The following VPS53 variants were observed in gnomAD, a reference collection of about 807,000 sequenced individuals.
The protein encoded by VPS53 is vacuolar protein sorting-associated protein 53 homolog.
Under a neutral mutation model 107.0 loss-of-function variants are expected in VPS53, and 70 were observed. That is an observed-to-expected ratio of 0.65 (90% CI 0.54 to 0.80). VPS53 has a LOEUF of 0.80. Among genes scored for constraint, VPS53 ranks in the 30% least tolerant of loss-of-function variants. The pLI, the probability that VPS53 is intolerant of heterozygous loss-of-function variation, is 0.00. For missense variants in VPS53, 917 were observed against 1,049.4 expected (o/e 0.87, Z 1.74); for synonymous variants, 409 against 393.3 (o/e 1.04, Z -0.47).
intron 4 of VPS53, among the ~76,000 whole-genome samples, chr17:691,906 A>C (rs765324714): frequency 6.6e-6 from 1 of 152,216 alleles, no homozygotes; most frequent in Non-Finnish European, 1.5e-5. Flanking sequence ...ATACATAGGA[A>C]AAAATACGGC....
At chr17:580,844 T>C (rs1190599638) in intron 13 of VPS53, among the ~76,000 whole-genome samples, 4 of 151,110 alleles carry the variant, frequency 2.6e-5, no homozygotes, top group African/African-American at 4.9e-5. Flanking sequence ...CCTCAGAACC[T>C]AATGCATTCC....
At position 627,308 on chromosome 17, in the gene VPS53, C is replaced by A; in HGVS notation, c.840G>T (p.Trp280Cys). ...CATAGCGTCTGTCGATTTTGTCCAG[C>A]CAGGCAACCTGGTGAAGGTGGAGAT... is the stretch of plus-strand genomic sequence containing the variant. ...VLFQENQDVA[W>C]LDKIDRRYAW... Residue 280 changes from tryptophan to cysteine, a missense_variant, in exon 10 of 22, where the codon TGG (tryptophan) becomes TGT (cysteine). Trp to Cys is a radical substitution (Grantham distance 215). Transcript: ENST00000437048. 1 of 1,613,100 alleles carries A rather than the reference C, an allele frequency of 6.2e-7. No individual in the cohort carries two copies.
At chr17:668,807 C>T (rs892031917) in intron 4 of VPS53, among the ~76,000 whole-genome samples, 3 of 152,130 alleles carry the variant, frequency 2.0e-5, no homozygotes, top group Non-Finnish European at 4.4e-5. Context: ...TCTGCATGAT[C>T]CTATCTCAGA....
chr17:698,363 G>A (rs1350204036), intron 3 of VPS53, among the ~76,000 whole-genome samples: 1 of 151,374 alleles, frequency 6.6e-6, no homozygotes, highest in East Asian at 1.9e-4. Context: ...AACCTGGGAG[G>A]TGGAGATTAC....
chr17:695,946 G>T (rs1248951893), intron 4 of VPS53, among the ~76,000 whole-genome samples: 1 of 152,210 alleles, frequency 6.6e-6, no homozygotes, highest in Non-Finnish European at 1.5e-5. Context: ...GCAGAATGCA[G>T]CTGGAGTGCT....
intron 4 of VPS53, among the ~76,000 whole-genome samples, chr17:692,428 G>A (rs1015174318): frequency 1.3e-5 from 2 of 152,138 alleles, no homozygotes; most frequent in Non-Finnish European, 2.9e-5. Flanking sequence ...GGTTAGAAGA[G>A]GTCACAGACT....
At chr17:564,800 T>C (rs1002199890) in intron 13 of VPS53, among the ~76,000 whole-genome samples, 1 of 152,166 alleles carries the variant, frequency 6.6e-6, no homozygotes, top group African/African-American at 2.4e-5. Context: ...AGTTGCAATT[T>C]TTCTCCGATT....
At chr17:711,653 C>A (rs1380983852) in intron 1 of VPS53, among the ~76,000 whole-genome samples, 1 of 152,048 alleles carries the variant, frequency 6.6e-6, no homozygotes, top group South Asian at 2.1e-4. Context: ...GTATTCCTCT[C>A]ACGACTCCTA....
chr17:686,232 A>ATCAC (rs1972580970), intron 4 of VPS53, among the ~76,000 whole-genome samples: 2 of 152,152 alleles, frequency 1.3e-5, no homozygotes, highest in Non-Finnish European at 2.9e-5. Flanking sequence ...AGGTGGAAGG[A>ATCAC]TCACGTGAGC....
chr17:700,269 G>A (rs1647076080), intron 2 of VPS53, among the ~76,000 whole-genome samples: 1 of 152,106 alleles, frequency 6.6e-6, no homozygotes, highest in Admixed American at 6.6e-5. Flanking sequence ...TGGGCCGGGT[G>A]CAGTGGCTCA....
intron 11 of VPS53, among the ~76,000 whole-genome samples, chr17:615,105 C>T (rs1969076498): frequency 6.6e-6 from 1 of 152,214 alleles, no homozygotes; most frequent in Non-Finnish European, 1.5e-5. Context: ...AGTTACATCA[C>T]ATCCAGACAT....
chr17:644,385 C>T (rs904293073), intron 7 of VPS53, among the ~76,000 whole-genome samples: 1 of 152,202 alleles, frequency 6.6e-6, no homozygotes, highest in Non-Finnish European at 1.5e-5. Flanking sequence ...CCGCCCCTTA[C>T]AACAAATAGC....
At chr17:655,353 A>G (rs1971145048) in intron 6 of VPS53, among the ~76,000 whole-genome samples, 1 of 148,822 alleles carries the variant, frequency 6.7e-6, no homozygotes, top group Admixed American at 6.8e-5. Flanking sequence ...TCTGTCTCAT[A>G]GGGTCTCTTC....
chr17:537,212 G>A lies in VPS53; in HGVS notation c.1867-36C>T, dbSNP rs536294986. 8.1e-6 allele frequency: 13 copies of A among 1,609,360 alleles called. No individual in the cohort carries two copies. The African/African-American group carries it at 1.1e-4, about 13-fold the overall frequency. The stretch of plus-strand genomic sequence containing the variant: ...GAAAGGATGAGGCGTTGAATCCCTC[G>A]CAGGAGAACGGTGTCGCCTGTTACT... On this transcript the variant is annotated intron_variant, in intron 17 of 21. Coordinates refer to ENST00000437048, the MANE Select transcript of VPS53 (RefSeq NM_001128159.3).
At chr17:578,641 C>T (rs997226104) in intron 13 of VPS53, among the ~76,000 whole-genome samples, 2 of 150,256 alleles carry the variant, frequency 1.3e-5, no homozygotes, top group Non-Finnish European at 3.0e-5. Flanking sequence ...GAGAAGCTCC[C>T]TCAGAAGCCA....
chr17:666,274 G>A (rs892963756), intron 4 of VPS53, among the ~76,000 whole-genome samples: 1 of 152,198 alleles, frequency 6.6e-6, no homozygotes, highest in Non-Finnish European at 1.5e-5. Context: ...AACCACCAGT[G>A]ACATGAGAAA....
chr17:537,440 C>G, intron 17 of VPS53: 1 of 384,806 alleles, frequency 2.6e-6, no homozygotes, highest in Non-Finnish European at 4.8e-6. Context: ...CTGAAACAGC[C>G]TTCCCTTCTC....
chr17:594,252 G>A (rs936215572), intron 12 of VPS53, among the ~76,000 whole-genome samples: 1 of 152,164 alleles, frequency 6.6e-6, no homozygotes, highest in African/African-American at 2.4e-5. Context: ...CACCAGCATG[G>A]CACATGTATA....
rs9915472 is a variant in VPS53 at position 562,879 on chromosome 17, G to A, written c.1314-134C>T. 12,779 of 1,003,786 alleles carry A rather than the reference G, an allele frequency of 0.013. 996 individuals are homozygous for A. In the African/African-American group the frequency reaches 0.18, roughly 14 times the overall value. 62.2% of individuals were successfully genotyped at this position (1,003,786 alleles called of 1,614,324 possible). A position where few individuals can be genotyped will look rare whatever the true frequency, so the allele number is the denominator to read the frequency against. On this transcript the variant is annotated intron_variant, in intron 13 of 21. Coordinates refer to ENST00000437048, the MANE Select transcript of VPS53 (RefSeq NM_001128159.3). ...TGCATTTAAAACTTAAAATCGGATC[G>A]ATTTTAATCAATATCATCATTCACT... is the stretch of plus-strand genomic sequence containing the variant.
Sources: gnomAD v4.1 joint callset for allele counts (sites outside exome capture counted in the v4.1 genomes callset) on GRCh38, gnomAD v4.1.1 for gene constraint, MANE v1.5 for transcripts, NCBI Gene and HGNC (gene_info 2026-07-23, HGNC 2026-07-21) for gene names.